CLMN: variants seen among roughly 807,000 people sequenced by gnomAD.
The protein encoded by CLMN is calmin.
In CLMN, 57 loss-of-function variants were observed where a neutral mutation model predicts 92.7. The ratio of observed to expected loss-of-function variants is 0.61; its 90% confidence interval spans 0.50 to 0.77. CLMN has a LOEUF of 0.77. CLMN is among the 30% of genes least tolerant of loss of function. The probability of loss-of-function intolerance (pLI) is 0.00; values close to 1 mark genes in which losing one functional copy is unlikely to be tolerated. For synonymous variants in CLMN, 466 were observed against 470.6 expected (o/e 0.99, Z 0.13); for missense variants, 1,158 against 1,237.5 (o/e 0.94, Z 0.96).
chr14:95,193,396 T>G, intron 12 of CLMN: 1 of 1,534,474 alleles, frequency 6.5e-7, no homozygotes, highest in South Asian at 1.2e-5. Context: ...ATCAGCTCAG[T>G]AAGCTTCTGA....
chr14:95,213,365 G>A lies in CLMN; in HGVS notation c.462C>T (p.Ser154=), dbSNP rs143433529. Residue 154 remains serine, a synonymous_variant, in exon 6 of 13, where the codon TCC becomes TCT. Coordinates refer to ENST00000298912, the MANE Select transcript of CLMN (RefSeq NM_024734.4). ...TGCCCCCTGAGCCAGGGGACAAGCT[G>A]GAAGATGGAGAGTTTCTGCTGAGGT... ...TGNLSRNSPS[S]SLSPGSGGTD... 14 of 1,612,398 alleles carry A rather than the reference G, an allele frequency of 8.7e-6. 1 individual carries two copies. In the Middle Eastern group the frequency reaches 8.2e-4, roughly 95 times the overall value.
In CLMN at chr14:95,204,106, C is replaced by G; in HGVS notation, c.1243G>C (p.Gly415Arg). 6.2e-7 allele frequency: 1 copy of G among 1,614,156 alleles called. No homozygotes were observed. Among genetic ancestry groups the G allele is most frequent in the South Asian group, 1.1e-5 (1 of 91,070 alleles). ...SSILSSRKEN[G>R]RSNSLPIKKT... ...TTGATCGGCAAAGAGTTGGACCTCC[C>G]GTTCTCCTTTCTGGATGATAAAATG... The change falls in exon 9 of 13, where the codon GGG becomes CGG. Residue 415 changes from glycine (G) to arginine (R), a missense_variant. Coordinates refer to ENST00000298912, the MANE Select transcript of CLMN (RefSeq NM_024734.4).
chr14:95,243,421 C>A (rs1409170679), intron 1 of CLMN, among the ~76,000 whole-genome samples: 1 of 152,106 alleles, frequency 6.6e-6, no homozygotes, highest in Non-Finnish European at 1.5e-5. Context: ...TTTTCTCCCG[C>A]CATCACCAAA....
intron 4 of CLMN, among the ~76,000 whole-genome samples, chr14:95,218,936 G>A (rs1341567321): frequency 1.3e-5 from 2 of 152,204 alleles, no homozygotes; most frequent in Non-Finnish European, 2.9e-5. Flanking sequence ...CTCCCTCATT[G>A]CCACACCTGT....
intron 3 of CLMN, 39 bp downstream of exon 3, chr14:95,223,721 G>A (rs1259706723): frequency 6.7e-7 from 1 of 1,483,476 alleles, no homozygotes; most frequent in Admixed American, 1.9e-5. Flanking sequence ...GTTTTCCTTT[G>A]CATTTTCTTT....
intron 4 of CLMN, among the ~76,000 whole-genome samples, chr14:95,220,169 CTTTTTTTT>C (rs767326601): frequency 2.8e-5 from 2 of 71,796 alleles, no homozygotes; most frequent in Admixed American, 4.0e-4. Context: ...GGATAGGTCC[CTTTTTTTT>C]TTTTTTTTTT....
chr14:95,275,731 C>T (rs933681213), intron 1 of CLMN, among the ~76,000 whole-genome samples: 1 of 152,216 alleles, frequency 6.6e-6, no homozygotes, highest in Non-Finnish European at 1.5e-5. Context: ...GGCGTGACGT[C>T]GGCTCACTGG....
At chr14:95,303,162 C>T (rs1406747514) in intron 1 of CLMN, among the ~76,000 whole-genome samples, 1 of 152,228 alleles carries the variant, frequency 6.6e-6, no homozygotes, top group African/African-American at 2.4e-5. Context: ...AACTTGGCAC[C>T]AGCCAGTTCT....
At chr14:95,315,178 T>A (rs1374649080) in intron 1 of CLMN, among the ~76,000 whole-genome samples, 1 of 152,076 alleles carries the variant, frequency 6.6e-6, no homozygotes, top group Admixed American at 6.5e-5. Flanking sequence ...TGGGGAGTTA[T>A]GGGAGAGAAG....
At chr14:95,282,125 G>T (rs1900164835) in intron 1 of CLMN, among the ~76,000 whole-genome samples, 1 of 152,242 alleles carries the variant, frequency 6.6e-6, no homozygotes, top group Non-Finnish European at 1.5e-5. Flanking sequence ...ATCAGTCACA[G>T]TTGCTGGAGA....
In CLMN at chr14:95,203,301, C is replaced by T; in HGVS notation, c.2048G>A (p.Gly683Asp). ...EGEDDDLQGV[G>D]EELSSSPPSS... ...TGGGGGGCTGGAAGATAATTCCTCG[C>T]CCACACCCTGGAGGTCATCGTCTTC... The change falls in exon 9 of 13, where the codon GGC (glycine) becomes GAC (aspartate). Residue 683 changes from glycine (G) to aspartate (D), a missense_variant. Coordinates refer to ENST00000298912, the MANE Select transcript of CLMN (RefSeq NM_024734.4). 3 of 1,614,082 alleles carry T rather than the reference C, an allele frequency of 1.9e-6. No homozygotes were observed. The highest frequency in any genetic ancestry group is 2.5e-6 in the Non-Finnish European group (3 of 1,180,030).
At chr14:95,315,928 G>A (rs1377039646) in intron 1 of CLMN, among the ~76,000 whole-genome samples, 1 of 152,220 alleles carries the variant, frequency 6.6e-6, no homozygotes, top group Non-Finnish European at 1.5e-5. Flanking sequence ...TCAGAGAAGG[G>A]TTGTGGGTTT....
chr14:95,239,238 G>C (rs1369736466), intron 1 of CLMN, among the ~76,000 whole-genome samples: 1 of 152,180 alleles, frequency 6.6e-6, no homozygotes, highest in Non-Finnish European at 1.5e-5. Flanking sequence ...CCAGTTAGCA[G>C]ACATTGATGA....
intron 1 of CLMN, among the ~76,000 whole-genome samples, chr14:95,238,771 T>C (rs1595609853): frequency 1.3e-5 from 2 of 152,230 alleles, no homozygotes; most frequent in South Asian, 4.1e-4. Flanking sequence ...CAAATAAAAC[T>C]GCCAAGCTCA....
intron 10 of CLMN, among the ~76,000 whole-genome samples, chr14:95,195,436 C>T (rs1467749785): frequency 6.6e-6 from 1 of 152,216 alleles, no homozygotes; most frequent in Non-Finnish European, 1.5e-5. Context: ...TCCCCAAAGT[C>T]CAGGCACAGA....
chr14:95,241,391 G>T (rs1898238535), intron 1 of CLMN, among the ~76,000 whole-genome samples: 1 of 152,128 alleles, frequency 6.6e-6, no homozygotes, highest in African/African-American at 2.4e-5. Flanking sequence ...GCCCCAGGGG[G>T]AAAGCAGCTG....
chr14:95,214,832 G>C (rs1897291529), intron 5 of CLMN, among the ~76,000 whole-genome samples: 1 of 152,006 alleles, frequency 6.6e-6, no homozygotes, highest in African/African-American at 2.4e-5. Context: ...TGCAGGCATT[G>C]CGCCAAAATC....
chr14:95,224,879 G>A (rs1897663632), intron 2 of CLMN, among the ~76,000 whole-genome samples: 1 of 152,138 alleles, frequency 6.6e-6, no homozygotes, highest in African/African-American at 2.4e-5. Context: ...TGGAGGTGGT[G>A]GGACCCTTAG....
chr14:95,271,825 G>A (rs530219501), intron 1 of CLMN, among the ~76,000 whole-genome samples: 13 of 152,244 alleles, frequency 8.5e-5, no homozygotes, highest in Admixed American at 2.6e-4. Context: ...TCTCCACTCC[G>A]TGCCTACCAA....
Sources: gnomAD v4.1 joint callset for allele counts (sites outside exome capture counted in the v4.1 genomes callset) on GRCh38, gnomAD v4.1.1 for gene constraint, MANE v1.5 for transcripts, NCBI Gene and HGNC (gene_info 2026-07-23, HGNC 2026-07-21) for gene names.